ZNF487: variants seen among roughly 807,000 people sequenced by gnomAD.
The protein encoded by ZNF487 is KRAB domain only 1.
A neutral mutation model predicts 3.0 loss-of-function variants in ZNF487; 4 were observed. The ratio of observed to expected loss-of-function variants is 1.35; its 90% CI spans 0.66 to 3.08. ZNF487 has a LOEUF of 3.08. ZNF487 is among the 30% of genes most tolerant of loss of function. The pLI is 0.01. For missense variants in ZNF487, 146 were observed against 98.7 expected (o/e 1.48, Z -2.03); for synonymous variants, 55 against 34.6 (o/e 1.59, Z -2.06).
intron 1 of ZNF487, among the ~76,000 whole-genome samples, chr10:43,467,746 G>A (rs535934225): frequency 1.3e-3 from 202 of 151,716 alleles, no homozygotes; most frequent in African/African-American, 4.5e-3. Flanking sequence ...GAACCTGGGA[G>A]GCAGAGGTTG....
chr10:43,467,628 C>A (rs1346055131), intron 1 of ZNF487, among the ~76,000 whole-genome samples: 1 of 151,784 alleles, frequency 6.6e-6, no homozygotes, highest in African/African-American at 2.4e-5. Context: ...ACCAGCCTGG[C>A]AAACATGGTG....
In ZNF487 at chr10:43,474,082, G is replaced by A. The variant is rs1008387034; in HGVS notation, c.-93-1639G>A. On this transcript the variant is annotated intron_variant, in intron 1 of 3. Coordinates refer to ENST00000437590, the MANE Select transcript of ZNF487 (RefSeq NM_001355444.3). ...AGGCTGAGGTAAGAAGATTGCTTGA[G>A]CCCAGGAGGTCAAAGCTGCAGTGAG... Among the ~76,000 whole-genome samples the A allele has an allele frequency of 4.6e-5, 7 of 151,582 alleles. No homozygotes were observed. The East Asian group carries it at 1.2e-3, about 25-fold the overall frequency.
At chr10:43,496,135 C>T in the ZNF487 span, 1 of 527,980 alleles carries the variant, frequency 1.9e-6, no homozygotes, top group African/African-American at 1.9e-5. Context: ...GCCTCCTCAT[C>T]TCAGTGGGTA....
chr10:43,476,937 C>T (rs1841120506), intron 3 of ZNF487, among the ~76,000 whole-genome samples: 1 of 152,134 alleles, frequency 6.6e-6, no homozygotes, highest in African/African-American at 2.4e-5. Context: ...AGCATGATCT[C>T]AAAGGTTTTA....
intron 3 of ZNF487, among the ~76,000 whole-genome samples, chr10:43,479,740 C>T (rs1841240184): frequency 6.6e-6 from 1 of 152,084 alleles, no homozygotes; most frequent in Non-Finnish European, 1.5e-5. Context: ...CTCCGCCTCT[C>T]GGGTTCAAGT....
the ZNF487 span, among the ~76,000 whole-genome samples, chr10:43,493,275 G>A: frequency 1.3e-5 from 2 of 152,066 alleles, no homozygotes; most frequent in African/African-American, 4.8e-5. Flanking sequence ...CTCTAGTGGT[G>A]TTCATCCTAC....
At chr10:43,486,840 C>T (rs890791042), downstream of ZNF487, among the ~76,000 whole-genome samples, 26 of 152,116 alleles carry the variant, frequency 1.7e-4, no homozygotes, top group Admixed American at 6.5e-4. Flanking sequence ...GGAAAGATAG[C>T]CAGCTAGCCT....
At chr10:43,505,822 T>C in the ZNF487 span, among the ~76,000 whole-genome samples, 111,136 of 151,956 alleles carry the variant, frequency 0.73, 41,842 homozygotes, top group East Asian at 0.93. Flanking sequence ...TCTGTATTTT[T>C]AGTAGAGACA....
chr10:43,501,788 C>T, the ZNF487 span, among the ~76,000 whole-genome samples: 1 of 148,218 alleles, frequency 6.7e-6, no homozygotes, highest in Non-Finnish European at 1.5e-5. Flanking sequence ...TTTAACTTTC[C>T]TTTTTTTTTT....
the ZNF487 span, among the ~76,000 whole-genome samples, chr10:43,509,458 C>CATAG: frequency 7.4e-6 from 1 of 135,278 alleles, no homozygotes; most frequent in Non-Finnish European, 1.5e-5. Context: ...ACTAATGGAA[C>CATAG]ATATATATAT....
chr10:43,459,768 T>TTTATTATTC (rs1840353719), intron 1 of ZNF487, among the ~76,000 whole-genome samples: 1 of 138,336 alleles, frequency 7.2e-6, no homozygotes, highest in South Asian at 2.4e-4. Flanking sequence ...AGGCTGTGAG[T>TTTATTATTC]TTATTATTAT....
intron 1 of ZNF487, among the ~76,000 whole-genome samples, chr10:43,473,488 T>G (rs1310485389): frequency 6.6e-6 from 1 of 152,042 alleles, no homozygotes; most frequent in African/African-American, 2.4e-5. Flanking sequence ...ATAAGCCCAT[T>G]TATAATTTTT....
downstream of ZNF487, among the ~76,000 whole-genome samples, chr10:43,487,367 C>A (rs1841479413): frequency 6.6e-6 from 1 of 151,906 alleles, no homozygotes; most frequent in African/African-American, 2.4e-5. Flanking sequence ...TCTCGATTTC[C>A]TGACCTCGTG....
chr10:43,480,008 TTTC>T (rs1841275457), intron 3 of ZNF487, among the ~76,000 whole-genome samples: 1 of 73,512 alleles, frequency 1.4e-5, no homozygotes, highest in Non-Finnish European at 3.9e-5. Context: ...TCTTTCTTTC[TTTC>T]TTTCTTTCTT....
chr10:43,471,576 A>C (rs1840910497), intron 1 of ZNF487, among the ~76,000 whole-genome samples: 1 of 152,158 alleles, frequency 6.6e-6, no homozygotes, highest in Non-Finnish European at 1.5e-5. Context: ...AAACTGAAGG[A>C]TGGTGAAGTC....
chr10:43,451,722 C>T (rs557784189), intron 1 of ZNF487, among the ~76,000 whole-genome samples: 3 of 149,334 alleles, frequency 2.0e-5, no homozygotes, highest in East Asian at 2.0e-4. Flanking sequence ...TGGGCCACCA[C>T]GCCTGGCTAA....
intron 1 of ZNF487, among the ~76,000 whole-genome samples, chr10:43,461,009 ATT>A (rs145079351): frequency 1.4e-5 from 2 of 142,154 alleles, no homozygotes; most frequent in Non-Finnish European, 1.5e-5. Context: ...TAATATCTTA[ATT>A]TTTTTTTTTT....
intron 1 of ZNF487, among the ~76,000 whole-genome samples, chr10:43,457,380 A>AC (rs1171746897): frequency 3.3e-5 from 5 of 150,514 alleles, no homozygotes; most frequent in South Asian, 2.1e-4. Context: ...ACATAGTGAA[A>AC]CCCCGTCTCT....
chr10:43,465,189 G>C (rs1301574757), intron 1 of ZNF487, among the ~76,000 whole-genome samples: 1 of 150,136 alleles, frequency 6.7e-6, no homozygotes, highest in Non-Finnish European at 1.5e-5. Context: ...CCGGGCGGGG[G>C]GCTGACCCCC....
Sources: allele counts gnomAD v4.1 joint callset (sites outside exome capture counted in the v4.1 genomes callset), GRCh38; gene constraint gnomAD v4.1.1; transcripts MANE v1.5; gene names NCBI Gene and HGNC (gene_info 2026-07-23, HGNC 2026-07-21).